Variants in CTNNA3 observed in about 807,000 individuals in gnomAD.
CTNNA3 encodes catenin alpha 3, also known as catenin alpha-3.
In CTNNA3, 76 loss-of-function variants were observed where a neutral mutation model predicts 95.7. The observed-to-expected ratio is 0.79, with a 90% CI of 0.66 to 0.96. The LOEUF (loss-of-function observed/expected upper bound fraction) is 0.96, where lower values mean the gene tolerates loss of function less well. CTNNA3 is among the 40% of genes least tolerant of loss of function. The pLI is 0.00. For synonymous variants in CTNNA3, 431 were observed against 374.4 expected (o/e 1.15, Z -1.74); for missense variants, 1,191 against 1,089.8 (o/e 1.09, Z -1.31).
rs748914189 is a variant in CTNNA3 at position 67,521,864 on chromosome 10, T to A, written c.557A>T (p.Tyr186Phe). 1 of 1,613,374 alleles carries A rather than the reference T, an allele frequency of 6.2e-7. No individual in the cohort carries two copies. Among genetic ancestry groups the A allele is most frequent in the South Asian group, 1.1e-5 (1 of 90,970 alleles). ...TACCTGCTGACGTTTGAAGGCTAAA[T>A]AATCCAAATTTTCCAGCTCCTTCCC... is the stretch of plus-strand genomic sequence containing the variant. ...KLGKELENLD[Y>F]LAFKRQQDLK... The change falls in exon 5 of 18, where the codon TAT (tyrosine) becomes TTT (phenylalanine). Residue 186 changes from tyrosine to phenylalanine, a missense_variant. Physicochemically the swap from Tyr to Phe is conservative, Grantham distance 22. Coordinates refer to ENST00000433211, the MANE Select transcript of CTNNA3 (RefSeq NM_013266.4).
intron 1 of CTNNA3, among the ~76,000 whole-genome samples, chr10:67,724,234 C>A (rs1841196480): frequency 6.6e-6 from 1 of 152,080 alleles, no homozygotes; most frequent in African/African-American, 2.4e-5. Context: ...ACTGTTTATA[C>A]CAGGAGTGGG....
At chr10:66,540,947 T>C (rs1841829474) in intron 10 of CTNNA3, among the ~76,000 whole-genome samples, 2 of 152,138 alleles carry the variant, frequency 1.3e-5, no homozygotes, top group South Asian at 4.2e-4. Flanking sequence ...TAACTTTACG[T>C]AAGTCTTTTC....
intron 1 of CTNNA3, among the ~76,000 whole-genome samples, chr10:67,716,656 C>T (rs191585291): frequency 2.6e-5 from 4 of 152,088 alleles, no homozygotes; most frequent in Admixed American, 2.6e-4. Context: ...TGAACCCATC[C>T]TTTTTTATGG....
chr10:66,431,148 C>T (rs2093291778), intron 11 of CTNNA3, among the ~76,000 whole-genome samples: 1 of 151,990 alleles, frequency 6.6e-6, no homozygotes, highest in Non-Finnish European at 1.5e-5. Context: ...TGAAAAAATG[C>T]TCATCATCAC....
chr10:66,122,433 T>C (rs1052511106), intron 13 of CTNNA3, among the ~76,000 whole-genome samples: 2 of 152,186 alleles, frequency 1.3e-5, no homozygotes, highest in Non-Finnish European at 2.9e-5. Context: ...ATTGAAATGA[T>C]AATGGCTGAT....
intron 7 of CTNNA3, among the ~76,000 whole-genome samples, chr10:66,856,005 T>A (rs1011372936): frequency 1.3e-5 from 2 of 151,922 alleles, no homozygotes; most frequent in Non-Finnish European, 2.9e-5. Flanking sequence ...GCTTCAGGGG[T>A]TTGGTGTACA....
chr10:67,262,931 A>G lies in CTNNA3; in HGVS notation c.580-43061T>C, dbSNP rs369773130. ...GACAGACTCCAGGGTGTTTTCAATC[A>G]GTCTTCAGTGAGAAAATATTTAAAA... On this transcript the variant is annotated intron_variant, in intron 5 of 17. Transcript: ENST00000433211. Among the ~76,000 whole-genome samples, 5 of 152,338 alleles carry G rather than the reference A, an allele frequency of 3.3e-5. No homozygotes were observed. The East Asian group carries it at 9.6e-4, about 29-fold the overall frequency.
chr10:67,527,809 A>T (rs1366912116), intron 4 of CTNNA3, among the ~76,000 whole-genome samples: 1 of 152,228 alleles, frequency 6.6e-6, no homozygotes, highest in Non-Finnish European at 1.5e-5. Context: ...TAGTTTTTTA[A>T]GATGCTCAAA....
chr10:67,153,093 A>G (rs1461118154), intron 7 of CTNNA3, among the ~76,000 whole-genome samples: 1 of 151,870 alleles, frequency 6.6e-6, no homozygotes, highest in Non-Finnish European at 1.5e-5. Context: ...CTCCTGCCTC[A>G]GCCTCCCGAG....
intron 11 of CTNNA3, among the ~76,000 whole-genome samples, chr10:66,393,333 C>T (rs1184836279): frequency 1.3e-5 from 2 of 151,952 alleles, no homozygotes; most frequent in Admixed American, 1.3e-4. Context: ...ATAGAATTTA[C>T]AACACAAGGT....
At chr10:67,489,117 C>T (rs1848560572) in intron 5 of CTNNA3, among the ~76,000 whole-genome samples, 1 of 152,112 alleles carries the variant, frequency 6.6e-6, no homozygotes, top group African/African-American at 2.4e-5. Context: ...GGTAAAAAAC[C>T]AAACTAAATT....
intron 2 of CTNNA3, among the ~76,000 whole-genome samples, chr10:67,634,642 C>G (rs1839247705): frequency 1.3e-5 from 2 of 151,940 alleles, no homozygotes; most frequent in Admixed American, 6.6e-5. Flanking sequence ...ATTTACCAAG[C>G]AAATGGAAAA....
chr10:67,443,576 T>G (rs1433940514), intron 5 of CTNNA3, among the ~76,000 whole-genome samples: 1 of 152,258 alleles, frequency 6.6e-6, no homozygotes, highest in African/African-American at 2.4e-5. Flanking sequence ...ATGCGTCTTT[T>G]GATTGCATAA....
intron 11 of CTNNA3, among the ~76,000 whole-genome samples, chr10:66,463,329 A>G (rs1451824016): frequency 6.6e-6 from 1 of 152,042 alleles, no homozygotes; most frequent in Non-Finnish European, 1.5e-5. Flanking sequence ...CCTTTCTGAA[A>G]CCATGTGATG....
chr10:66,272,834 G>A (rs1488669567), intron 13 of CTNNA3, among the ~76,000 whole-genome samples: 3 of 152,126 alleles, frequency 2.0e-5, no homozygotes, highest in Non-Finnish European at 4.4e-5. Context: ...CAGGGGTTAT[G>A]TTCTAATACC....
intron 5 of CTNNA3, among the ~76,000 whole-genome samples, chr10:67,341,445 T>C (rs1469236951): frequency 1.3e-5 from 2 of 152,192 alleles, no homozygotes; most frequent in Non-Finnish European, 2.9e-5. Context: ...GAACATGCAA[T>C]GTTTGTCTTT....
At chr10:67,005,899 T>G (rs1277487662) in intron 7 of CTNNA3, among the ~76,000 whole-genome samples, 3 of 151,782 alleles carry the variant, frequency 2.0e-5, no homozygotes, top group African/African-American at 7.3e-5. Context: ...TTGGCTAGGC[T>G]GGTCTCAAAC....
intron 5 of CTNNA3, among the ~76,000 whole-genome samples, chr10:67,270,797 T>G (rs371600905): frequency 3.3e-5 from 5 of 152,202 alleles, no homozygotes; most frequent in African/African-American, 1.2e-4. Context: ...AGTTTTTATA[T>G]GTGACGCTAA....
chr10:67,473,771 G>A (rs1412040217), intron 5 of CTNNA3, among the ~76,000 whole-genome samples: 1 of 152,102 alleles, frequency 6.6e-6, no homozygotes, highest in Non-Finnish European at 1.5e-5. Context: ...TATTTACATA[G>A]CATTTACATT....
Sources: allele counts gnomAD v4.1 joint callset (sites outside exome capture counted in the v4.1 genomes callset), GRCh38; gene constraint gnomAD v4.1.1; transcripts MANE v1.5; gene names NCBI Gene and HGNC (gene_info 2026-07-23, HGNC 2026-07-21).